Variants in VPS41 observed in about 807,000 individuals in gnomAD.
VPS41 encodes the protein VPS41 subunit of HOPS complex.
Under a neutral mutation model 130.9 loss-of-function variants are expected in VPS41, and 85 were observed. The ratio of observed to expected loss-of-function variants is 0.65; its 90% CI spans 0.55 to 0.78. The LOEUF is 0.78. Ranked by LOEUF, VPS41 falls within the 30% of genes least tolerant of loss-of-function variation. VPS41 has a pLI of 0.00. For missense variants in VPS41, 874 were observed against 1,018.7 expected, an observed-to-expected ratio of 0.86 and a Z score of 1.93; for synonymous variants, 335 against 332.9, an observed-to-expected ratio of 1.01 and a Z score of -0.07.
chr7:38,765,257 A>C (rs1343943631), intron 16 of VPS41, among the ~76,000 whole-genome samples: 6 of 152,192 alleles, frequency 3.9e-5, no homozygotes, highest in African/African-American at 1.4e-4. Flanking sequence ...ATCTAAAAAA[A>C]GTCTTATGCT....
At chr7:38,823,979 T>C (rs1019797078) in intron 5 of VPS41, among the ~76,000 whole-genome samples, 1 of 152,138 alleles carries the variant, frequency 6.6e-6, no homozygotes, top group Non-Finnish European at 1.5e-5. Flanking sequence ...GGGTTTCACT[T>C]TACCTGGGGA....
chr7:38,820,512 TAC>T (rs1387320140), intron 6 of VPS41, among the ~76,000 whole-genome samples: 1 of 152,216 alleles, frequency 6.6e-6, no homozygotes, highest in Non-Finnish European at 1.5e-5. Flanking sequence ...CAATACTGTA[TAC>T]AGTCACCATA....
intron 10 of VPS41, among the ~76,000 whole-genome samples, chr7:38,780,179 TG>T (rs2115889441): frequency 7.6e-6 from 1 of 130,972 alleles, no homozygotes. Context: ...TTTTTTTTTT[TG>T]GTTTTTGTTT....
At chr7:38,774,001 G>T in intron 12 of VPS41, 114 bp downstream of exon 12, 3 of 1,066,664 alleles carry the variant, frequency 2.8e-6, no homozygotes, top group African/African-American at 3.2e-5. Context: ...GTCTACGCAG[G>T]TATTCTCTTA....
Position 38,726,939 on chromosome 7 carries a change from G to A in VPS41, c.2454C>T (p.Phe818=), listed in dbSNP as rs908352871. 1.3e-6 allele frequency: 2 copies of A among 1,589,902 alleles called. No homozygotes were observed. The highest frequency in any genetic ancestry group is 1.7e-6 in the Non-Finnish European group (2 of 1,168,046). The change falls in exon 28 of 29, where the codon TTC becomes TTT. Residue 818 remains phenylalanine, a synonymous_variant. Coordinates refer to ENST00000310301, the MANE Select transcript of VPS41 (RefSeq NM_014396.4). ...TGGGCATGGGCAGGCACTCCTTGTG[G>A]AACATGTGCCGGCAATGGAAGACCA... ...SVVVFHCRHM[F]HKECLPMPSM...
At chr7:38,753,161 G>A (rs1783714892) in intron 21 of VPS41, among the ~76,000 whole-genome samples, 1 of 152,128 alleles carries the variant, frequency 6.6e-6, no homozygotes, top group Admixed American at 6.5e-5. Flanking sequence ...AAGACAGGAA[G>A]ACTTAATCAC....
chr7:38,828,682 C>T (rs1785327506), intron 5 of VPS41, among the ~76,000 whole-genome samples: 1 of 152,112 alleles, frequency 6.6e-6, no homozygotes, highest in East Asian at 1.9e-4. Flanking sequence ...TTCAATTCTA[C>T]CAATGTTAAT....
chr7:38,751,261 A>T (rs547664816), intron 22 of VPS41, among the ~76,000 whole-genome samples: 1 of 152,382 alleles, frequency 6.6e-6, no homozygotes, highest in South Asian at 2.1e-4. Flanking sequence ...TTCTTTGCAC[A>T]TATCTCTAAT....
intron 4 of VPS41, among the ~76,000 whole-genome samples, chr7:38,851,397 T>C (rs1173411769): frequency 6.6e-6 from 1 of 152,240 alleles, no homozygotes; most frequent in East Asian, 1.9e-4. Flanking sequence ...TTCTAGAATG[T>C]TATATAAATG....
intron 9 of VPS41, among the ~76,000 whole-genome samples, chr7:38,792,288 A>T (rs1784548928): frequency 6.6e-6 from 1 of 152,214 alleles, no homozygotes; most frequent in South Asian, 2.1e-4. Context: ...TACCACTGAT[A>T]GGTGGGTTCT....
chr7:38,809,462 T>C (rs1784901341), intron 7 of VPS41, among the ~76,000 whole-genome samples: 1 of 151,192 alleles, frequency 6.6e-6, no homozygotes, highest in African/African-American at 2.4e-5. Flanking sequence ...TTAAAAACAA[T>C]CTTAATAATA....
intron 7 of VPS41, among the ~76,000 whole-genome samples, chr7:38,803,520 G>A (rs988178150): frequency 1.3e-5 from 2 of 152,198 alleles, no homozygotes; most frequent in Non-Finnish European, 2.9e-5. Context: ...GCTACGTCAG[G>A]AAGGTGCAGA....
At chr7:38,728,429 G>T in intron 27 of VPS41, 113 bp downstream of exon 27, 1 of 1,182,656 alleles carries the variant, frequency 8.5e-7, no homozygotes, top group Non-Finnish European at 1.3e-6. Flanking sequence ...TCTCCACTGG[G>T]TTATTCTGAA....
intron 22 of VPS41, 131 bp from the exon 23 acceptor site, chr7:38,745,744 T>C: frequency 1.4e-6 from 1 of 729,630 alleles, no homozygotes; most frequent in South Asian, 1.5e-5. Flanking sequence ...AGCAAACAAA[T>C]AAAGAACACA....
chr7:38,787,567 A>C (rs927112522), intron 10 of VPS41, among the ~76,000 whole-genome samples: 5 of 152,210 alleles, frequency 3.3e-5, no homozygotes, highest in Non-Finnish European at 5.9e-5. Flanking sequence ...TCAACAGCCT[A>C]TGTGATAGGA....
At chr7:38,811,592 G>C (rs1784943571) in intron 7 of VPS41, among the ~76,000 whole-genome samples, 2 of 144,258 alleles carry the variant, frequency 1.4e-5, no homozygotes, top group Non-Finnish European at 1.5e-5. Flanking sequence ...GACTTGTTTT[G>C]TCATACACAC....
chr7:38,884,417 A>G (rs1404604858), intron 2 of VPS41, among the ~76,000 whole-genome samples: 1 of 152,234 alleles, frequency 6.6e-6, no homozygotes, highest in Non-Finnish European at 1.5e-5. Flanking sequence ...CCTAACTGGT[A>G]TTTGGAAGAA....
chr7:38,812,557 T>G (rs1236892212), intron 7 of VPS41, among the ~76,000 whole-genome samples: 3 of 152,002 alleles, frequency 2.0e-5, no homozygotes, highest in South Asian at 2.1e-4. Context: ...TTTATTAAAG[T>G]TACAAACTTC....
chr7:38,753,626 C>G (rs542473629), intron 21 of VPS41, among the ~76,000 whole-genome samples: 45 of 152,262 alleles, frequency 3.0e-4, no homozygotes, highest in African/African-American at 1.0e-3. Flanking sequence ...CACCACTTCA[C>G]CATTGCACTG....
Sources: gnomAD v4.1 joint callset for allele counts (sites outside exome capture counted in the v4.1 genomes callset) on GRCh38, gnomAD v4.1.1 for gene constraint, MANE v1.5 for transcripts, NCBI Gene and HGNC (gene_info 2026-07-23, HGNC 2026-07-21) for gene names.